The following SPRY3 variants were observed in gnomAD, a reference collection of about 807,000 sequenced individuals.
SPRY3 encodes the protein protein sprouty homolog 3.
SPRY3 carries 15 observed loss-of-function variants against 20.2 expected under a neutral mutation model. The ratio of observed to expected loss-of-function variants is 0.74; its 90% CI spans 0.50 to 1.14. The LOEUF (loss-of-function observed/expected upper bound fraction) is 1.14, where lower values mean the gene tolerates loss of function less well. SPRY3 is among the 50% of genes most tolerant of loss of function. SPRY3 has a pLI of 0.00. For synonymous variants in SPRY3, 143 were observed against 136.5 expected (o/e 1.05, Z -0.33); for missense variants, 364 against 363.9 (o/e 1.00, Z 0.00).
At chrX:155,695,303 C>T (rs751610345) in intron 2 of SPRY3, among the ~76,000 whole-genome samples, 2 of 111,408 alleles carry the variant, frequency 1.8e-5, no homozygotes, top group South Asian at 7.5e-4. Flanking sequence ...ATTTCATTGT[C>T]TCTATGGGTT....
chrX:155,736,278 T>G (rs1434362287), intron 2 of SPRY3, among the ~76,000 whole-genome samples: 2 of 151,986 alleles, frequency 1.3e-5, no homozygotes, highest in Non-Finnish European at 2.9e-5. Flanking sequence ...TTGAACACTC[T>G]TCCTTTGTAA....
intron 2 of SPRY3, among the ~76,000 whole-genome samples, chrX:155,764,168 G>T (rs2091315399): frequency 1.3e-5 from 2 of 152,124 alleles, no homozygotes; most frequent in African/African-American, 4.8e-5. Context: ...GAGAAAGAAG[G>T]CATTGGATTG....
intron 2 of SPRY3, among the ~76,000 whole-genome samples, chrX:155,735,821 T>C (rs2091164837): frequency 6.6e-6 from 1 of 151,948 alleles, no homozygotes; most frequent in African/African-American, 2.4e-5. Flanking sequence ...TCATTATTGA[T>C]GTGGTTTGAT....
At chrX:155,746,504 G>T (rs1263987643) in intron 2 of SPRY3, among the ~76,000 whole-genome samples, 1 of 151,880 alleles carries the variant, frequency 6.6e-6, no homozygotes, top group Non-Finnish European at 1.5e-5. Context: ...TATTCTCCAA[G>T]ATTTAAATTT....
rs782666644 is a variant in SPRY3 at position 155,661,452 on chromosome X, C to T, written c.-282+4427C>T. On this transcript the variant is annotated intron_variant, in intron 2 of 3. Coordinates refer to ENST00000675360, the Ensembl canonical transcript of SPRY3. ...GTGATTAGATGCTTCTCCCTTGCTG[C>T]TTTTAGTATTTTTTCTTTCACTTTG... Among the ~76,000 whole-genome samples the T allele has an allele frequency of 4.5e-5, 5 of 111,329 alleles. No homozygotes were observed. The East Asian group carries it at 1.4e-3, about 32-fold the overall frequency.
chrX:155,731,746 G>A (rs1400602126), intron 2 of SPRY3, among the ~76,000 whole-genome samples: 1 of 151,982 alleles, frequency 6.6e-6, no homozygotes, highest in Non-Finnish European at 1.5e-5. Context: ...GAAAATATTT[G>A]CAAACTACCC....
intron 2 of SPRY3, among the ~76,000 whole-genome samples, chrX:155,721,822 T>A (rs921953454): frequency 6.6e-6 from 1 of 152,028 alleles, no homozygotes; most frequent in African/African-American, 2.4e-5. Flanking sequence ...GGTAATTCAA[T>A]CATAAAGAGA....
At chrX:155,672,713 G>A (rs797025626) in intron 2 of SPRY3, among the ~76,000 whole-genome samples, 104 of 106,807 alleles carry the variant, frequency 9.7e-4, no homozygotes, top group Non-Finnish European at 1.5e-3. Flanking sequence ...TCCCATTACT[G>A]GGTATATACC....
exon 4 of SPRY3, chrX:155,774,550 C>A: frequency 6.2e-7 from 1 of 1,614,008 alleles, no homozygotes; most frequent in Admixed American, 1.7e-5. Flanking sequence ...AGCCATGAGC[C>A]TCATCTCCCT....
At chrX:155,676,505 G>A (rs1373713880) in intron 2 of SPRY3, among the ~76,000 whole-genome samples, 1 of 111,197 alleles carries the variant, frequency 9.0e-6, no homozygotes, top group Non-Finnish European at 1.9e-5. Flanking sequence ...AAATGAAGTG[G>A]GTCAAGTGAT....
chrX:155,719,885 G>A (rs2091045394), intron 2 of SPRY3, among the ~76,000 whole-genome samples: 1 of 152,052 alleles, frequency 6.6e-6, no homozygotes, highest in Admixed American at 6.6e-5. Flanking sequence ...GGTGGCTATG[G>A]GGCAACTCCT....
At chrX:155,781,960 T>C (rs183688752) in exon 2 of SPRY3, 7 of 167,046 alleles carry the variant, frequency 4.2e-5, no homozygotes, top group East Asian at 1.9e-4. Context: ...CTTGCTGGAA[T>C]AGGGATCAAG....
intron 2 of SPRY3, among the ~76,000 whole-genome samples, chrX:155,678,561 TC>T (rs1369658671): frequency 1.8e-5 from 2 of 111,570 alleles, no homozygotes; most frequent in Non-Finnish European, 3.8e-5. Flanking sequence ...ATCAGCCCTT[TC>T]CCTTGGAGTA....
intron 1 of SPRY3, among the ~76,000 whole-genome samples, chrX:155,622,720 T>C (rs1557349571): frequency 8.9e-6 from 1 of 111,839 alleles, no homozygotes; most frequent in Non-Finnish European, 1.9e-5. Flanking sequence ...AAGATAGCAG[T>C]CTCTCAAAAT....
At chrX:155,734,962 C>A (rs1278097088) in intron 2 of SPRY3, among the ~76,000 whole-genome samples, 1 of 151,184 alleles carries the variant, frequency 6.6e-6, no homozygotes, top group African/African-American at 2.4e-5. Context: ...GATTTTATAT[C>A]TTTCTTTCTA....
chrX:155,700,057 C>T (rs996661330), intron 2 of SPRY3, among the ~76,000 whole-genome samples: 28 of 102,939 alleles, frequency 2.7e-4, no homozygotes, highest in African/African-American at 8.9e-4. Context: ...AACAAAAAGA[C>T]AAAACATTTT....
Position 155,716,983 on chromosome X carries a change from T to A in SPRY3, c.-281-50979T>A, listed in dbSNP as rs1366542252. Reference sequence around the variant, plus strand: ...ACCCTGTTTCCACTAAAATACAAAATATATATATATATATATATATATATA... The same window carrying A: ...ACCCTGTTTCCACTAAAATACAAAAAATATATATATATATATATATATATA... On this transcript the variant is annotated intron_variant, in intron 2 of 3. Transcript: ENST00000675360. Among the ~76,000 whole-genome samples the A allele has an allele frequency of 6.6e-4, 40 of 60,428 alleles. 1 individual carries two copies. The highest frequency in any genetic ancestry group is 1.3e-3 in the Admixed American group (8 of 6,138). 39.6% of individuals were successfully genotyped at this position (60,428 alleles called of 152,430 possible). A position where few individuals can be genotyped will look rare whatever the true frequency, so the allele number is the denominator to read the frequency against.
chrX:155,653,180 T>C, intron 1 of SPRY3, among the ~76,000 whole-genome samples: 1 of 111,742 alleles, frequency 8.9e-6, no homozygotes, highest in Non-Finnish European at 1.9e-5. Flanking sequence ...GATTTGCAAA[T>C]ATGTTCTCTC....
chrX:155,712,838 TTA>T (rs1465828735), intron 2 of SPRY3, among the ~76,000 whole-genome samples: 1 of 151,970 alleles, frequency 6.6e-6, no homozygotes, highest in East Asian at 1.9e-4. Flanking sequence ...TTTGTGTCTG[TTA>T]TATGTTTTTC....
Sources: gnomAD v4.1 joint callset for allele counts (sites outside exome capture counted in the v4.1 genomes callset) on GRCh38, gnomAD v4.1.1 for gene constraint, MANE v1.5 for transcripts, NCBI Gene and HGNC (gene_info 2026-07-23, HGNC 2026-07-21) for gene names.